Variants in TTI1 observed in about 807,000 individuals in gnomAD.
TTI1 encodes TELO2 interacting protein 1, also known as TELO2-interacting protein 1 homolog.
Under a neutral mutation model 85.4 loss-of-function variants are expected in TTI1, and 52 were observed. The ratio of observed to expected loss-of-function variants is 0.61; its 90% CI spans 0.49 to 0.77. The LOEUF is 0.77. Ranked by LOEUF, TTI1 falls within the 30% of genes least tolerant of loss-of-function variation. TTI1 has a pLI of 0.00. For synonymous variants in TTI1, 512 were observed against 503.9 expected (o/e 1.02, Z -0.22); for missense variants, 1,173 against 1,296.0 (o/e 0.91, Z 1.46).
In TTI1 at chr20:38,011,822, T is replaced by A. The variant is rs748871538; in HGVS notation, c.1995A>T (p.Leu665=). 6.2e-7 allele frequency: 1 copy of A among 1,614,100 alleles called. No homozygotes were observed. The highest frequency in any genetic ancestry group is 1.3e-5 in the African/African-American group (1 of 74,988). ...TGCTGGTAGCCACCTGACTAATGAG[T>A]AGGGTTTGGTCTCCAGCCTTCTCCA... ...PVLEKAGDQT[L]LISQVATSTM... The change falls in exon 2 of 8, where the codon CTA becomes CTT. Residue 665 remains leucine, a synonymous_variant. Coordinates refer to ENST00000373447, the MANE Select transcript of TTI1 (RefSeq NM_001303457.2).
Position 38,012,279 on chromosome 20 carries a change from T to C in TTI1, c.1538A>G (p.His513Arg), listed in dbSNP as rs2073607227. 3 of 1,614,106 alleles carry C rather than the reference T, an allele frequency of 1.9e-6. No individual in the cohort carries two copies. The highest frequency in any genetic ancestry group is 2.5e-6 in the Non-Finnish European group (3 of 1,180,056). ...LLVDHFMELY[H>R]QSVVYRKQAA... ...TTGCTTCCGGTAAACCACAGATTGA[T>C]GGTAAAGTTCCATAAAGTGATCCAC... Residue 513 changes from histidine (H) to arginine (R), a missense_variant, in exon 2 of 8, where the codon CAT (histidine) becomes CGT (arginine). Physicochemically the swap from His to Arg is conservative, Grantham distance 29. Coordinates refer to ENST00000373447, the MANE Select transcript of TTI1 (RefSeq NM_001303457.2).
chr20:38,020,321 AAAAT>A lies in TTI1; in HGVS notation c.-41-6468_-41-6465del, dbSNP rs1360033189. Among the ~76,000 whole-genome samples the A allele has an allele frequency of 4.2e-3, 179 of 42,684 alleles. 1 individual carries two copies. Among genetic ancestry groups the A allele is most frequent in the Non-Finnish European group, 6.7e-3 (148 of 22,152 alleles). The allele number at this position is 42,684 out of a possible 152,430, so 28.0% of individuals were successfully genotyped here. A position where few individuals can be genotyped will look rare whatever the true frequency, so the allele number is the denominator to read the frequency against. The stretch of plus-strand genomic sequence containing the variant: ...TTGGCTACTCATATGAAAAAAAAAA[AAAAT>A]ATATATATATATATATATATATATA... On this transcript the variant is annotated intron_variant, in intron 1 of 7. Transcript: ENST00000373447.
At chr20:37,983,688 G>A (rs577150404) in intron 7 of TTI1, 49 bp from the exon 8 acceptor site, 22 of 1,420,620 alleles carry the variant, frequency 1.5e-5, no homozygotes, top group Middle Eastern at 1.9e-4. Flanking sequence ...GAGGGAAGGC[G>A]GGGAATGCTA....
rs58870719 is a variant in TTI1, at chr20:37,983,148, TTG to T, written c.*306_*307del. On this transcript the variant is annotated 3_prime_UTR_variant, in exon 8 of 8. Transcript: ENST00000373447. ...ATGCAGATGGAGGGGAACTGACCTC[TTG>T]TGTGTGTGTGTGTGTGGCCTGTGAG... 0.025 allele frequency: 6,092 copies of T among 247,486 alleles called. 5 individuals are homozygous for T. The highest frequency in any genetic ancestry group is 0.048 in the South Asian group (895 of 18,626). The allele number at this position is 247,486 out of a possible 1,614,324, so 15.3% of individuals were successfully genotyped here. A position where few individuals can be genotyped will look rare whatever the true frequency, so the allele number is the denominator to read the frequency against.
Position 37,996,856 on chromosome 20 carries a change from G to A in TTI1, c.2891C>T (p.Ala964Val). ...PKLAGSLVTQ[A>V]PISARAGPVY... ...TGGTCCAGCCCTGGCACTGATGGGG[G>A]CCTGGGTGACTAGGGAGCCAGCCAG... The change falls in exon 6 of 8, where the codon GCC becomes GTC. Residue 964 changes from alanine to valine, a missense_variant. Transcript: ENST00000373447. The A allele has an allele frequency of 6.2e-7, 1 of 1,614,188 alleles. No individual in the cohort carries two copies. Among genetic ancestry groups the A allele is most frequent in the Non-Finnish European group, 8.5e-7 (1 of 1,180,028 alleles).
chr20:37,996,517 G>T, intron 6 of TTI1, 55 bp from the exon 7 acceptor site: 1 of 1,593,170 alleles, frequency 6.3e-7, no homozygotes, highest in South Asian at 1.1e-5. Context: ...TTTGGGACAA[G>T]CAGTGACCAA....
At chr20:37,992,796 T>C (rs1299003934) in intron 7 of TTI1, among the ~76,000 whole-genome samples, 1 of 152,104 alleles carries the variant, frequency 6.6e-6, no homozygotes, top group Non-Finnish European at 1.5e-5. Flanking sequence ...GGGTGTATGC[T>C]CTCTTTTCAA....
At chr20:37,993,031 C>A (rs1384575797) in intron 7 of TTI1, among the ~76,000 whole-genome samples, 3 of 152,022 alleles carry the variant, frequency 2.0e-5, no homozygotes, top group Non-Finnish European at 2.9e-5. Flanking sequence ...TATGCTAAGC[C>A]CTCCTCCCAC....
At chr20:37,987,762 C>G (rs924165426) in intron 7 of TTI1, among the ~76,000 whole-genome samples, 2 of 152,230 alleles carry the variant, frequency 1.3e-5, no homozygotes, top group African/African-American at 4.8e-5. Context: ...TGATTTTTCA[C>G]TTAAAATGCA....
intron 2 of TTI1, among the ~76,000 whole-genome samples, chr20:38,006,610 C>T (rs908358847): frequency 4.6e-5 from 7 of 152,188 alleles, no homozygotes; most frequent in African/African-American, 1.7e-4. Flanking sequence ...TTGCATAGGC[C>T]GTTCTCTGTG....
intron 3 of TTI1, 134 bp from the exon 4 acceptor site, chr20:38,002,910 T>A: frequency 8.3e-7 from 1 of 1,210,440 alleles, no homozygotes. Flanking sequence ...ACACCTCCAC[T>A]CAAGGGGGAA....
intron 1 of TTI1, among the ~76,000 whole-genome samples, chr20:38,017,750 G>T (rs1171711287): frequency 2.0e-5 from 3 of 152,190 alleles, no homozygotes; most frequent in Non-Finnish European, 4.4e-5. Flanking sequence ...AGTCAATTTT[G>T]AAATGATGTG....
chr20:37,999,815 A>G (rs2073395115), intron 4 of TTI1, among the ~76,000 whole-genome samples: 1 of 152,240 alleles, frequency 6.6e-6, no homozygotes, highest in Non-Finnish European at 1.5e-5. Context: ...AGCGTGGAGC[A>G]TTACAGAGAA....
At chr20:38,014,142 G>A (rs143141339) in intron 1 of TTI1, among the ~76,000 whole-genome samples, 1 of 152,302 alleles carries the variant, frequency 6.6e-6, no homozygotes, top group East Asian at 1.9e-4. Context: ...TATGCTCGAG[G>A]CAAGACTTGA....
rs1458334221 is a variant in TTI1, at chr20:38,013,006, G to A, written c.811C>T (p.Leu271=). Residue 271 remains leucine (L), a synonymous_variant, in exon 2 of 8, where the codon CTG becomes TTG. Transcript: ENST00000373447. ...KPAVEHRVAE[L]MVYREADWVK... ...CAATCTGCTTCCCTGTAAACCATCA[G>A]CTCTGCTACTCTGTGCTCAACTGCA... The A allele has an allele frequency of 2.5e-6, 4 of 1,613,866 alleles. No individual in the cohort carries two copies. Among genetic ancestry groups the A allele is most frequent in the Non-Finnish European group, 3.4e-6 (4 of 1,180,046 alleles).
chr20:38,003,653 G>A (rs536320677), intron 3 of TTI1, among the ~76,000 whole-genome samples: 1 of 151,830 alleles, frequency 6.6e-6, no homozygotes, highest in Non-Finnish European at 1.5e-5. Flanking sequence ...TTGGGAGGGT[G>A]AGGCGGGAGA....
At chr20:37,999,876 T>A (rs1348939823) in intron 4 of TTI1, among the ~76,000 whole-genome samples, 1 of 152,198 alleles carries the variant, frequency 6.6e-6, no homozygotes, top group Non-Finnish European at 1.5e-5. Flanking sequence ...ATTTTTTTTA[T>A]TTTGTACTAA....
At chr20:37,988,589 C>T (rs976902377) in intron 7 of TTI1, among the ~76,000 whole-genome samples, 4 of 152,160 alleles carry the variant, frequency 2.6e-5, no homozygotes, top group East Asian at 1.9e-4. Flanking sequence ...TGCTGTTCTC[C>T]GTCTCTTTCT....
chr20:38,024,030 G>A (rs142039299), intron 1 of TTI1, among the ~76,000 whole-genome samples: 1 of 152,270 alleles, frequency 6.6e-6, no homozygotes, highest in African/African-American at 2.4e-5. Context: ...ATGTGAAGCT[G>A]TGGCTTGTAT....
Sources: allele counts gnomAD v4.1 joint callset (sites outside exome capture counted in the v4.1 genomes callset), GRCh38; gene constraint gnomAD v4.1.1; transcripts MANE v1.5; gene names NCBI Gene and HGNC (gene_info 2026-07-23, HGNC 2026-07-21).